Variants in XYLT1 observed in about 807,000 individuals in gnomAD.
XYLT1 encodes the protein beta-D-xylosyltransferase 1.
Under a neutral mutation model 91.3 loss-of-function variants are expected in XYLT1, and 36 were observed. The observed-to-expected ratio is 0.39, with a 90% confidence interval of 0.30 to 0.52. XYLT1 has a LOEUF of 0.52. XYLT1 is among the 20% of genes least tolerant of loss of function. The pLI is 0.68. For missense variants in XYLT1, 1,242 were observed against 1,284.5 expected, an observed-to-expected ratio of 0.97 and a Z score of 0.51; for synonymous variants, 588 against 532.0, an observed-to-expected ratio of 1.11 and a Z score of -1.45.
chr16:17,448,895 C>T (rs753138899), intron 1 of XYLT1, among the ~76,000 whole-genome samples: 2 of 152,188 alleles, frequency 1.3e-5, no homozygotes, highest in Non-Finnish European at 2.9e-5. Context: ...GGTTCATCAT[C>T]ATCCCCATTT....
In XYLT1 at chr16:17,268,710, T is replaced by C. The variant is rs56409870; in HGVS notation, c.403-9212A>G. Among the ~76,000 whole-genome samples, 394 of 151,718 alleles carry C rather than the reference T, an allele frequency of 2.6e-3. 1 individual carries two copies. The highest frequency in any genetic ancestry group is 8.7e-3 in the African/African-American group (360 of 41,306). ...TTCTGAGACGGAGTTTCGCTCTTTG[T>C]TGCCCAGGCTGGAGTACAGTGGTGC... is the stretch of plus-strand genomic sequence containing the variant. On this transcript the variant is annotated intron_variant, in intron 2 of 11. Coordinates refer to ENST00000261381, the MANE Select transcript of XYLT1 (RefSeq NM_022166.4).
chr16:17,362,794 G>A (rs1012083217), intron 1 of XYLT1, among the ~76,000 whole-genome samples: 1 of 152,234 alleles, frequency 6.6e-6, no homozygotes, highest in East Asian at 1.9e-4. Context: ...GACAGTGCTT[G>A]TTCTTTGGTG....
At chr16:17,469,492 G>C (rs1387403334) in intron 1 of XYLT1, among the ~76,000 whole-genome samples, 2 of 152,232 alleles carry the variant, frequency 1.3e-5, no homozygotes, top group Non-Finnish European at 2.9e-5. Flanking sequence ...GGCTGGGCAA[G>C]GCAGCCCAGA....
Position 17,384,148 on chromosome 16 carries a change from G to A in XYLT1, c.364-26098C>T, listed in dbSNP as rs2035718498. Among the ~76,000 whole-genome samples the A allele has an allele frequency of 2.0e-5, 3 of 151,946 alleles. No individual in the cohort carries two copies. In the South Asian group the frequency reaches 6.2e-4, roughly 32 times the overall value. On this transcript the variant is annotated intron_variant, in intron 1 of 11. Coordinates refer to ENST00000261381, the MANE Select transcript of XYLT1 (RefSeq NM_022166.4). ...GGGGGTTGCTGGGAGGATCACCTGG[G>A]CTAATAATGTATGTAAAACACTTGG...
intron 3 of XYLT1, among the ~76,000 whole-genome samples, chr16:17,244,567 A>G (rs918115784): frequency 2.6e-5 from 4 of 152,182 alleles, no homozygotes; most frequent in Non-Finnish European, 4.4e-5. Flanking sequence ...TGCCAATTCT[A>G]TTCTTCAGAT....
intron 1 of XYLT1, among the ~76,000 whole-genome samples, chr16:17,440,154 C>G (rs1050258468): frequency 6.6e-6 from 1 of 152,150 alleles, no homozygotes; most frequent in African/African-American, 2.4e-5. Context: ...ACAGCCCATG[C>G]AAAACTGAGG....
At chr16:17,357,011 G>A (rs747497882) in intron 2 of XYLT1, among the ~76,000 whole-genome samples, 20 of 151,430 alleles carry the variant, frequency 1.3e-4, no homozygotes, top group Non-Finnish European at 2.7e-4. Flanking sequence ...CTCGTCTCTA[G>A]AAAAAATATT....
intron 1 of XYLT1, among the ~76,000 whole-genome samples, chr16:17,416,231 C>T (rs912189795): frequency 5.3e-5 from 8 of 152,356 alleles, no homozygotes; most frequent in African/African-American, 1.9e-4. Context: ...CCAGATAATG[C>T]ACCCCACATC....
chr16:17,456,633 G>A (rs189856580), intron 1 of XYLT1, among the ~76,000 whole-genome samples: 5 of 152,260 alleles, frequency 3.3e-5, no homozygotes, highest in East Asian at 3.9e-4. Flanking sequence ...GTGCCACCAC[G>A]CCCGGCAACA....
chr16:17,307,912 T>G (rs1003980439), intron 2 of XYLT1, among the ~76,000 whole-genome samples: 7 of 152,182 alleles, frequency 4.6e-5, no homozygotes, highest in African/African-American at 1.7e-4. Flanking sequence ...GCAGAGGGAC[T>G]GATGCCTGGA....
intron 1 of XYLT1, among the ~76,000 whole-genome samples, chr16:17,463,160 C>T (rs764921567): frequency 9.2e-5 from 14 of 151,662 alleles, no homozygotes; most frequent in Non-Finnish European, 1.6e-4. Context: ...CACTTCAGGA[C>T]GCTGAGCAAG....
chr16:17,115,608 A>C (rs976836788), intron 11 of XYLT1, among the ~76,000 whole-genome samples: 1 of 151,448 alleles, frequency 6.6e-6, no homozygotes, highest in South Asian at 2.1e-4. Flanking sequence ...CCTCCCAAGT[A>C]GCTGGGACTA....
At chr16:17,140,240 G>A (rs147780116) in intron 7 of XYLT1, among the ~76,000 whole-genome samples, 51 of 152,302 alleles carry the variant, frequency 3.3e-4, no homozygotes, top group African/African-American at 1.2e-3. Context: ...GATTAATGGA[G>A]TATGACTTAT....
chr16:17,448,290 G>A (rs536564820), intron 1 of XYLT1, among the ~76,000 whole-genome samples: 123 of 152,274 alleles, frequency 8.1e-4, no homozygotes, highest in Non-Finnish European at 1.1e-3. Context: ...GCTTGAACCC[G>A]GGAGGCGGAG....
intron 1 of XYLT1, among the ~76,000 whole-genome samples, chr16:17,418,655 C>T (rs1287151070): frequency 6.6e-6 from 1 of 152,078 alleles, no homozygotes; most frequent in Non-Finnish European, 1.5e-5. Context: ...TGAGACCAGC[C>T]TGGGCAATAT....
chr16:17,175,741 G>T (rs2031928875), intron 5 of XYLT1, among the ~76,000 whole-genome samples: 1 of 152,190 alleles, frequency 6.6e-6, no homozygotes, highest in African/African-American at 2.4e-5. Context: ...CCAGACAGGT[G>T]TGATATGTGA....
At chr16:17,119,098 C>G (rs900201401) in intron 10 of XYLT1, among the ~76,000 whole-genome samples, 3 of 152,144 alleles carry the variant, frequency 2.0e-5, no homozygotes. Flanking sequence ...TTTATCTCCT[C>G]CAGCTGTAAT....
intron 5 of XYLT1, among the ~76,000 whole-genome samples, chr16:17,181,827 C>T (rs1597174052): frequency 6.6e-6 from 1 of 152,084 alleles, no homozygotes; most frequent in East Asian, 1.9e-4. Flanking sequence ...CGATGAGTTA[C>T]CCCAACCGCT....
intron 3 of XYLT1, among the ~76,000 whole-genome samples, chr16:17,241,072 T>C (rs146728794): frequency 2.0e-5 from 3 of 152,302 alleles, no homozygotes; most frequent in Non-Finnish European, 4.4e-5. Context: ...AGAAACCTCA[T>C]AGGATTCCAG....
Sources: allele counts gnomAD v4.1 joint callset (sites outside exome capture counted in the v4.1 genomes callset), GRCh38; gene constraint gnomAD v4.1.1; transcripts MANE v1.5; gene names NCBI Gene and HGNC (gene_info 2026-07-23, HGNC 2026-07-21).